The following EYA3 variants were observed in gnomAD, a reference collection of about 807,000 sequenced individuals.
The protein encoded by EYA3 is protein phosphatase EYA3.
In EYA3, 39 loss-of-function variants were observed where a neutral mutation model predicts 80.0. The observed-to-expected ratio is 0.49, with a 90% CI of 0.38 to 0.64. The LOEUF (loss-of-function observed/expected upper bound fraction) is 0.64. EYA3 is among the 30% of genes least tolerant of loss of function. The pLI is 0.00. For synonymous variants in EYA3, 206 were observed against 232.8 expected (o/e 0.88, Z 1.05); for missense variants, 523 against 676.1 (o/e 0.77, Z 2.51).
Position 27,972,893 on chromosome 1 carries a change from A to T in EYA3, c.*1573T>A, listed in dbSNP as rs1638783559. 6.6e-6 allele frequency: 1 copy of T among 152,416 alleles called. No individual in the cohort carries two copies. Among genetic ancestry groups the T allele is most frequent in the Admixed American group, 6.5e-5 (1 of 15,306 alleles). The allele number at this position is 152,416 out of a possible 1,614,324, so 9.4% of individuals were successfully genotyped here. The stretch of plus-strand genomic sequence containing the variant: ...GTTTTGGGCCATGAAGTAGGGAATG[A>T]TGCAGTACTCTCATTTAAATCAGGA... On this transcript the variant is annotated 3_prime_UTR_variant, in exon 18 of 18. Transcript: ENST00000373871.
intron 3 of EYA3, among the ~76,000 whole-genome samples, chr1:28,047,450 A>G (rs1319540980): frequency 6.6e-6 from 1 of 152,158 alleles, no homozygotes; most frequent in Non-Finnish European, 1.5e-5. Context: ...CAGTTCTAGA[A>G]TAAATGAGCC....
chr1:28,051,164 G>T (rs182122798), intron 2 of EYA3, among the ~76,000 whole-genome samples: 1 of 152,126 alleles, frequency 6.6e-6, no homozygotes, highest in African/African-American at 2.4e-5. Context: ...AAAAAGCTCC[G>T]TTAGGGTTAA....
At chr1:28,011,726 A>T (rs1402465158) in intron 9 of EYA3, among the ~76,000 whole-genome samples, 1 of 152,216 alleles carries the variant, frequency 6.6e-6, no homozygotes, top group Non-Finnish European at 1.5e-5. Flanking sequence ...AAGGGGGAGA[A>T]AAAGAGACGG....
chr1:28,048,043 T>C (rs1296095193), intron 3 of EYA3, among the ~76,000 whole-genome samples: 1 of 152,222 alleles, frequency 6.6e-6, no homozygotes, highest in Non-Finnish European at 1.5e-5. Context: ...ATTTCGCTTA[T>C]GCTTCCTATT....
intron 7 of EYA3, among the ~76,000 whole-genome samples, chr1:28,019,121 G>A (rs1272018637): frequency 1.3e-5 from 2 of 152,050 alleles, no homozygotes; most frequent in African/African-American, 2.4e-5. Flanking sequence ...AGCTGAGATC[G>A]CGCCACTGCA....
intron 2 of EYA3, among the ~76,000 whole-genome samples, chr1:28,053,120 C>T (rs1201262179): frequency 2.4e-5 from 3 of 123,462 alleles, no homozygotes; most frequent in Non-Finnish European, 4.7e-5. Flanking sequence ...TGCCACTGTA[C>T]TCCAGTCTGG....
chr1:28,024,591 A>C (rs569764381), intron 7 of EYA3, among the ~76,000 whole-genome samples: 9 of 152,076 alleles, frequency 5.9e-5, no homozygotes, highest in African/African-American at 2.2e-4. Flanking sequence ...CAGGAGGCAA[A>C]GGTTGTAGTG....
At chr1:28,052,412 A>G (rs1432037622) in intron 2 of EYA3, among the ~76,000 whole-genome samples, 1 of 152,204 alleles carries the variant, frequency 6.6e-6, no homozygotes, top group Non-Finnish European at 1.5e-5. Flanking sequence ...GAGTCCTGAA[A>G]TAGACCTCTA....
chr1:28,047,918 C>T (rs1038635465), intron 3 of EYA3, among the ~76,000 whole-genome samples: 1 of 152,120 alleles, frequency 6.6e-6, no homozygotes, highest in Non-Finnish European at 1.5e-5. Flanking sequence ...GGATTACAGG[C>T]GTGAGCGACC....
At chr1:28,000,320 T>C (rs1296501381) in intron 11 of EYA3, among the ~76,000 whole-genome samples, 2 of 152,090 alleles carry the variant, frequency 1.3e-5, no homozygotes, top group Non-Finnish European at 2.9e-5. Flanking sequence ...ATTTTTTTTT[T>C]CTTTTTTTTT....
chr1:28,061,067 T>C (rs1644604755), intron 1 of EYA3, among the ~76,000 whole-genome samples: 1 of 152,092 alleles, frequency 6.6e-6, no homozygotes, highest in African/African-American at 2.4e-5. Context: ...TCAAAATAAC[T>C]GGTCAATGAC....
chr1:28,008,974 C>G (rs535574823), intron 10 of EYA3, among the ~76,000 whole-genome samples: 1 of 151,968 alleles, frequency 6.6e-6, no homozygotes, highest in African/African-American at 2.4e-5. Flanking sequence ...TAGCTATTAT[C>G]AAAAAAATGG....
intron 7 of EYA3, among the ~76,000 whole-genome samples, chr1:28,026,133 G>C (rs1642770492): frequency 6.6e-6 from 1 of 152,242 alleles, no homozygotes; most frequent in Admixed American, 6.5e-5. Flanking sequence ...GGAGAAATAA[G>C]CACAGCTATC....
chr1:28,025,007 G>C (rs1433920227), intron 7 of EYA3, among the ~76,000 whole-genome samples: 1 of 152,092 alleles, frequency 6.6e-6, no homozygotes, highest in Non-Finnish European at 1.5e-5. Flanking sequence ...AGAATGCTTG[G>C]GGTGTTTTGA....
chr1:28,043,830 T>G (rs144416188), intron 3 of EYA3, among the ~76,000 whole-genome samples: 1 of 152,294 alleles, frequency 6.6e-6, no homozygotes, highest in African/African-American at 2.4e-5. Flanking sequence ...ACAGTGAGAC[T>G]CTGTCTCAAA....
chr1:28,048,932 A>G (rs184031057), intron 2 of EYA3, among the ~76,000 whole-genome samples: 57 of 152,278 alleles, frequency 3.7e-4, no homozygotes, highest in African/African-American at 1.3e-3. Flanking sequence ...CACATTTTCT[A>G]TTTCCTTCTG....
rs761121024 is a variant in EYA3 at position 27,993,500 on chromosome 1, T to G, written c.1203A>C (p.Ser401=). 1 of 1,613,150 alleles carries G rather than the reference T, an allele frequency of 6.2e-7. No individual in the cohort carries two copies. Among genetic ancestry groups the G allele is most frequent in the Non-Finnish European group, 8.5e-7 (1 of 1,179,708 alleles). ...SGSGGSGSHG[S]SVGVQGGVDW... is the part of the protein sequence containing the mutation. ...CCACACCTCCCTGAACACCCACAGA[T>G]GAACCATGGCTGCCACTACCTCCTG... The change falls in exon 14 of 18, where the codon TCA becomes TCC. Residue 401 remains serine, a synonymous_variant. Transcript: ENST00000373871.
chr1:28,006,112 A>G (rs914664051), intron 10 of EYA3, among the ~76,000 whole-genome samples: 7 of 83,452 alleles, frequency 8.4e-5, no homozygotes, highest in East Asian at 3.4e-4. Flanking sequence ...CTCAAAAAAA[A>G]AAAAAGAATT....
At chr1:27,982,943 G>C (rs1307260034) in intron 16 of EYA3, among the ~76,000 whole-genome samples, 1 of 152,148 alleles carries the variant, frequency 6.6e-6, no homozygotes, top group Non-Finnish European at 1.5e-5. Flanking sequence ...GCATTCTGTT[G>C]TTTGAATATA....
Sources: gnomAD v4.1 joint callset for allele counts (sites outside exome capture counted in the v4.1 genomes callset) on GRCh38, gnomAD v4.1.1 for gene constraint, MANE v1.5 for transcripts, NCBI Gene and HGNC (gene_info 2026-07-23, HGNC 2026-07-21) for gene names.